JAZF1: variants seen among roughly 807,000 people sequenced by gnomAD.
JAZF1 encodes juxtaposed with another zinc finger protein 1.
JAZF1 carries 8 observed loss-of-function variants against 26.4 expected under a neutral mutation model. The ratio of observed to expected loss-of-function variants is 0.30; its 90% CI spans 0.18 to 0.55. JAZF1 has a LOEUF of 0.55. Ranked by LOEUF, JAZF1 falls within the 20% of genes least tolerant of loss-of-function variation. JAZF1 has a pLI of 0.94. For missense variants in JAZF1, 199 were observed against 322.0 expected (o/e 0.62, Z 2.92); for synonymous variants, 126 against 122.3 (o/e 1.03, Z -0.20).
chr7:28,089,906 A>G (rs1407142106), intron 1 of JAZF1, among the ~76,000 whole-genome samples: 1 of 152,250 alleles, frequency 6.6e-6, no homozygotes, highest in Non-Finnish European at 1.5e-5. Context: ...TCCTGACTAC[A>G]TATAGTAAAA....
chr7:27,901,033 G>A (rs1381676826), intron 2 of JAZF1, among the ~76,000 whole-genome samples: 1 of 150,130 alleles, frequency 6.7e-6, no homozygotes, highest in Non-Finnish European at 1.5e-5. Flanking sequence ...TGATATTTTA[G>A]GGTTTTTCCT....
chr7:28,003,870 A>T lies in JAZF1; in HGVS notation c.116-11889T>A, dbSNP rs570501981. On this transcript the variant is annotated intron_variant, in intron 1 of 4. Transcript: ENST00000283928. ...AAGCTGGGAGTCTAGAAGGAAAAGAAGTCTATAAAGAAGTAAGCCCAATCA... is the reference window on the plus strand; with the variant it reads ...AAGCTGGGAGTCTAGAAGGAAAAGATGTCTATAAAGAAGTAAGCCCAATCA... 1.5e-4 allele frequency among the ~76,000 whole-genome samples: 23 copies of T among 152,320 alleles called. No individual in the cohort carries two copies. The East Asian group carries it at 3.7e-3, about 24-fold the overall frequency.
chr7:28,000,130 T>C lies in JAZF1; in HGVS notation c.116-8149A>G, dbSNP rs116955713. ...TAGAAAAGCAGTGAGTTGAAGAGTATTAGTTGCAGTATTAGTATTAGTTGT... is the reference window on the plus strand; with the variant it reads ...TAGAAAAGCAGTGAGTTGAAGAGTACTAGTTGCAGTATTAGTATTAGTTGT... On this transcript the variant is annotated intron_variant, in intron 1 of 4. Transcript: ENST00000283928. 4.8e-4 allele frequency among the ~76,000 whole-genome samples: 73 copies of C among 152,054 alleles called. 3 individuals carry two copies. The East Asian group carries it at 0.014, about 28-fold the overall frequency.
intron 1 of JAZF1, among the ~76,000 whole-genome samples, chr7:28,112,576 TCA>T (rs1784679748): frequency 1.0e-5 from 1 of 97,854 alleles, no homozygotes; most frequent in South Asian, 4.2e-4. Context: ...TAAGATAAGA[TCA>T]ATTATGGGCA....
intron 1 of JAZF1, among the ~76,000 whole-genome samples, chr7:28,028,904 C>T (rs56090552): frequency 0.072 from 10,935 of 152,126 alleles, 700 homozygotes; most frequent in African/African-American, 0.17. Flanking sequence ...AAAGTTATAA[C>T]TTAAAAATAA....
intron 1 of JAZF1, among the ~76,000 whole-genome samples, chr7:28,173,880 TAAAAAAAA>T (rs58075065): frequency 4.3e-5 from 4 of 93,134 alleles, no homozygotes; most frequent in African/African-American, 4.2e-5. Context: ...CAGCTAGCTT[TAAAAAAAA>T]AAAAAAAAAA....
intron 1 of JAZF1, among the ~76,000 whole-genome samples, chr7:28,152,897 T>C (rs141093349): frequency 6.6e-6 from 1 of 152,312 alleles, no homozygotes; most frequent in African/African-American, 2.4e-5. Context: ...CAGAAATACA[T>C]TTGAATTTTA....
chr7:28,054,219 TATCTATTA>T (rs1011480725), intron 1 of JAZF1, among the ~76,000 whole-genome samples: 1 of 152,260 alleles, frequency 6.6e-6, no homozygotes, highest in Admixed American at 6.5e-5. Context: ...CAATACCATT[TATCTATTA>T]ATAGGATGGC....
chr7:27,956,300 T>C (rs1785091299), intron 2 of JAZF1, among the ~76,000 whole-genome samples: 1 of 152,118 alleles, frequency 6.6e-6, no homozygotes, highest in Admixed American at 6.5e-5. Context: ...AGCCATATAT[T>C]ATAAAACTGA....
chr7:27,887,387 A>G (rs1783886880), intron 3 of JAZF1, among the ~76,000 whole-genome samples: 1 of 152,078 alleles, frequency 6.6e-6, no homozygotes, highest in Non-Finnish European at 1.5e-5. Context: ...ATCTATTATG[A>G]TTACAGATCA....
At chr7:28,065,448 A>C (rs1292985393) in intron 1 of JAZF1, among the ~76,000 whole-genome samples, 3 of 152,116 alleles carry the variant, frequency 2.0e-5, no homozygotes, top group African/African-American at 4.8e-5. Context: ...ACAATCAGAC[A>C]GTGAGGTGAG....
At chr7:28,104,335 T>TA (rs1784519707) in intron 1 of JAZF1, among the ~76,000 whole-genome samples, 1 of 152,226 alleles carries the variant, frequency 6.6e-6, no homozygotes, top group Admixed American at 6.5e-5. Context: ...AGCTAACACA[T>TA]AAATTCCACA....
chr7:27,914,288 A>G lies in JAZF1; in HGVS notation c.189-18872T>C, dbSNP rs55921646. Among the ~76,000 whole-genome samples the G allele has an allele frequency of 8.9e-3, 1,357 of 152,270 alleles. 20 individuals carry two copies. The highest frequency in any genetic ancestry group is 0.018 in the Admixed American group (275 of 15,292). On this transcript the variant is annotated intron_variant, in intron 2 of 4. Transcript: ENST00000283928. Reference sequence around the variant, plus strand: ...GCTGAGGGGACATGGAGATGGGGACAGGTTCTCTGCTCTTCAAATGCTGCT... The same window carrying G: ...GCTGAGGGGACATGGAGATGGGGACGGGTTCTCTGCTCTTCAAATGCTGCT...
chr7:28,106,805 T>C (rs1363094885), intron 1 of JAZF1, among the ~76,000 whole-genome samples: 1 of 152,206 alleles, frequency 6.6e-6, no homozygotes, highest in Non-Finnish European at 1.5e-5. Flanking sequence ...TAGGAAATAC[T>C]GTACTATATA....
chr7:28,069,545 G>A (rs906132829), intron 1 of JAZF1, among the ~76,000 whole-genome samples: 4 of 152,154 alleles, frequency 2.6e-5, no homozygotes, highest in Admixed American at 2.6e-4. Context: ...ATGAGCCTGA[G>A]CCATGCACCT....
In JAZF1 at chr7:27,972,261, G is replaced by A. The variant is rs188950754; in HGVS notation, c.188+19648C>T. On this transcript the variant is annotated intron_variant, in intron 2 of 4. Transcript: ENST00000283928. ...GTTTAAAGGAGGGAAGCCCTGCTGC[G>A]CAAGTGACATCTGACCAGAGACTAA... Among the ~76,000 whole-genome samples, 7 of 152,318 alleles carry A rather than the reference G, an allele frequency of 4.6e-5. No individual in the cohort carries two copies. The East Asian group carries it at 7.7e-4, about 17-fold the overall frequency.
chr7:27,960,786 G>A (rs1176092049), intron 2 of JAZF1, among the ~76,000 whole-genome samples: 1 of 152,228 alleles, frequency 6.6e-6, no homozygotes, highest in South Asian at 2.1e-4. Flanking sequence ...CTCATAACCT[G>A]GTGGAGGCTG....
At chr7:28,004,335 T>A (rs1782663536) in intron 1 of JAZF1, among the ~76,000 whole-genome samples, 1 of 151,184 alleles carries the variant, frequency 6.6e-6, no homozygotes, top group African/African-American at 2.4e-5. Context: ...CATTTCTAAA[T>A]CAACAAGAGC....
intron 1 of JAZF1, among the ~76,000 whole-genome samples, chr7:28,163,388 C>T (rs1031837902): frequency 2.6e-5 from 4 of 152,126 alleles, no homozygotes; most frequent in Non-Finnish European, 4.4e-5. Flanking sequence ...CGACTTGGAA[C>T]TGGGGAAGAG....
Sources: allele counts gnomAD v4.1 joint callset (sites outside exome capture counted in the v4.1 genomes callset), GRCh38; gene constraint gnomAD v4.1.1; transcripts MANE v1.5; gene names NCBI Gene and HGNC (gene_info 2026-07-23, HGNC 2026-07-21).